Variants in SV2A observed in about 807,000 individuals in gnomAD.
The protein encoded by SV2A is synaptic vesicle glycoprotein 2A.
Under a neutral mutation model 78.0 loss-of-function variants are expected in SV2A, and 25 were observed. The observed-to-expected ratio is 0.32, with a 90% CI of 0.23 to 0.45. The LOEUF (loss-of-function observed/expected upper bound fraction) is 0.45. SV2A is among the 20% of genes least tolerant of loss of function. SV2A has a pLI of 1.00. For synonymous variants in SV2A, 355 were observed against 384.7 expected, an observed-to-expected ratio of 0.92 and a Z score of 0.90; for missense variants, 752 against 971.5, an observed-to-expected ratio of 0.77 and a Z score of 3.00.
chr1:149,909,643 C>A, intron 6 of SV2A, 72 bp from the exon 7 acceptor site: 1 of 1,497,988 alleles, frequency 6.7e-7, no homozygotes, highest in Admixed American at 1.7e-5. Context: ...CCTCAGTTTC[C>A]CCTGCATTAG....
intron 8 of SV2A, 89 bp from the exon 9 acceptor site, chr1:149,908,295 G>C (rs985868322): frequency 5.5e-6 from 8 of 1,461,902 alleles, no homozygotes; most frequent in Non-Finnish European, 7.5e-6. Context: ...ACGGAAATGT[G>C]TATCATCTCA....
chr1:149,909,786 AG>A lies in SV2A; in HGVS notation c.1179+14del. 6.2e-7 allele frequency: 1 copy of A among 1,613,028 alleles called. No individual in the cohort carries two copies. The highest frequency in any genetic ancestry group is 8.5e-7 in the Non-Finnish European group (1 of 1,179,832). Reference sequence around the variant, plus strand: ...GCAGGGCGTGGAGGTCTGAGTCGGGAGGGCTGTGGCTTACTGAGAACACTCG... The same window carrying A: ...GCAGGGCGTGGAGGTCTGAGTCGGGAGGCTGTGGCTTACTGAGAACACTCG... On this transcript the variant is annotated intron_variant, in intron 6 of 12. Transcript: ENST00000369146.
chr1:149,912,788 C>G (rs1045991416), intron 2 of SV2A, among the ~76,000 whole-genome samples: 6 of 151,326 alleles, frequency 4.0e-5, no homozygotes, highest in Admixed American at 1.3e-4. Flanking sequence ...GACCCTCCCC[C>G]CCTCCCCCAA....
At chr1:149,911,034 C>T (rs1029146270) in intron 3 of SV2A, 57 bp from the exon 4 acceptor site, 16 of 1,573,092 alleles carry the variant, frequency 1.0e-5, no homozygotes, top group Non-Finnish European at 1.3e-5. Flanking sequence ...TGATCCCCTG[C>T]CCCACTGCTC....
At chr1:149,915,156 T>C (rs984164742) in intron 1 of SV2A, among the ~76,000 whole-genome samples, 3 of 152,164 alleles carry the variant, frequency 2.0e-5, no homozygotes, top group African/African-American at 7.2e-5. Context: ...CTGGGGATAA[T>C]TAAATTGGGA....
At chr1:149,911,271 A>G (rs2092473641) in intron 3 of SV2A, among the ~76,000 whole-genome samples, 1 of 152,236 alleles carries the variant, frequency 6.6e-6, no homozygotes, top group Non-Finnish European at 1.5e-5. Flanking sequence ...ATAAATCTCC[A>G]GAGAAAAAAG....
intron 1 of SV2A, among the ~76,000 whole-genome samples, chr1:149,915,917 A>G (rs2092510582): frequency 1.3e-5 from 2 of 151,356 alleles, no homozygotes; most frequent in African/African-American, 4.9e-5. Context: ...ACACACGCAC[A>G]CACACACACA....
In SV2A at chr1:149,913,208, C is replaced by T. The variant is rs1553764015; in HGVS notation, c.622+11G>A. 2 of 1,611,436 alleles carry T rather than the reference C, an allele frequency of 1.2e-6. No individual in the cohort carries two copies. Among genetic ancestry groups the T allele is most frequent in the Non-Finnish European group, 8.5e-7 (1 of 1,178,930 alleles). Reference sequence around the variant, plus strand: ...TTTGAGGGGATAAGGCTGGAGCCCCCCATGTCTTACCTAGCATGCCTTTGT... The same window carrying T: ...TTTGAGGGGATAAGGCTGGAGCCCCTCATGTCTTACCTAGCATGCCTTTGT... On this transcript the variant is annotated intron_variant, in intron 2 of 12. Transcript: ENST00000369146.
At chr1:149,905,547 G>A (rs782052984) in intron 12 of SV2A, 1 of 291,948 alleles carries the variant, frequency 3.4e-6, no homozygotes, top group Non-Finnish European at 6.4e-6. Context: ...TCCACCTCCC[G>A]GGTTCAAGCA....
chr1:149,910,548 C>A lies in SV2A; in HGVS notation c.1089+22G>T. ...TCCACAGCCCGCACCCCACCCCACC[C>A]CATGCAGCTCAGCCCCATCACCTCT... is the stretch of plus-strand genomic sequence containing the variant. On this transcript the variant is annotated intron_variant, in intron 5 of 12. Transcript: ENST00000369146. The surrounding 1 kb of genome is among the most constrained non-coding windows in gnomAD (Gnocchi z 4.2). 6.3e-7 allele frequency: 1 copy of A among 1,587,492 alleles called. No homozygotes were observed. The highest frequency in any genetic ancestry group is 8.6e-7 in the Non-Finnish European group (1 of 1,167,916).
intron 8 of SV2A, 79 bp from the exon 9 acceptor site, chr1:149,908,285 A>G: frequency 2.0e-6 from 3 of 1,512,606 alleles, no homozygotes; most frequent in Admixed American, 3.8e-5. Flanking sequence ...AGAGGAGAAA[A>G]CGGAAATGTG....
chr1:149,913,130 G>A, intron 2 of SV2A, 89 bp downstream of exon 2: 1 of 1,522,076 alleles, frequency 6.6e-7, no homozygotes. Context: ...GGGTCCTAGG[G>A]AACCCAGTGG....
intron 1 of SV2A, among the ~76,000 whole-genome samples, chr1:149,917,209 C>T (rs1259599116): frequency 4.0e-5 from 6 of 151,616 alleles, no homozygotes; most frequent in Non-Finnish European, 5.9e-5. Flanking sequence ...CCTGGCGGCT[C>T]TACATCTCTG....
rs1310204725 is a variant in SV2A, at chr1:149,908,305, A to C, written c.1380-99T>G. 8.0e-6 allele frequency: 11 copies of C among 1,380,022 alleles called. No homozygotes were observed. The African/African-American group carries it at 1.0e-4, about 13-fold the overall frequency. 85.5% of individuals were successfully genotyped at this position (1,380,022 alleles called of 1,614,324 possible). Reference sequence around the variant, plus strand: ...AGAAAACGGAAATGTGTATCATCTCAGAACAAGGGAGAAATGGAGTCAACC... The same window carrying C: ...AGAAAACGGAAATGTGTATCATCTCCGAACAAGGGAGAAATGGAGTCAACC... On this transcript the variant is annotated intron_variant, in intron 8 of 12. Coordinates refer to ENST00000369146, the MANE Select transcript of SV2A (RefSeq NM_014849.5).
chr1:149,908,114 C>T lies in SV2A; in HGVS notation c.1472G>A (p.Arg491His), dbSNP rs199799449. The T allele has an allele frequency of 4.7e-5, 76 of 1,614,044 alleles. No individual in the cohort carries two copies. The highest frequency in any genetic ancestry group is 6.1e-5 in the Non-Finnish European group (72 of 1,180,044). The change falls in exon 9 of 13, where the codon CGC becomes CAC. Residue 491 changes from arginine to histidine, a missense_variant. By Grantham distance (29) the Arg-to-His change is conservative (BLOSUM62 0). Around this residue, in one of 7 missense-constraint regions of SV2A, gnomAD observed 81 missense variants for 74.2 expected, o/e 1.09. Coordinates refer to ENST00000369146, the MANE Select transcript of SV2A (RefSeq NM_014849.5). ...ASRTKVFPGE[R>H]VEHVTFNFTL... is the part of the protein sequence containing the mutation. ...GAAGTTAAAAGTTACATGCTCTACG[C>T]GCTCCCCGGGGAACACTTTGGTGCG...
In SV2A at chr1:149,910,552, GCAGCT is replaced by G; in HGVS notation, c.1089+13_1089+17del. On this transcript the variant is annotated intron_variant, in intron 5 of 12. Transcript: ENST00000369146. The surrounding 1 kb of genome is among the most constrained non-coding windows in gnomAD (Gnocchi z 4.2). ...CAGCCCGCACCCCACCCCACCCCAT[GCAGCT>G]CAGCCCCATCACCTCTAGGAAGAAA... 6.5e-7 allele frequency: 1 copy of G among 1,533,652 alleles called. No individual in the cohort carries two copies. The highest frequency in any genetic ancestry group is 8.9e-7 in the Non-Finnish European group (1 of 1,120,484).
At chr1:149,915,696 G>A (rs373789477) in intron 1 of SV2A, among the ~76,000 whole-genome samples, 31 of 152,188 alleles carry the variant, frequency 2.0e-4, no homozygotes, top group African/African-American at 7.2e-4. Context: ...CACAAACACC[G>A]CATTGCGTAG....
Position 149,910,774 on chromosome 1 carries a change from A to G in SV2A, c.955+52T>C. On this transcript the variant is annotated intron_variant, in intron 4 of 12. Coordinates refer to ENST00000369146, the MANE Select transcript of SV2A (RefSeq NM_014849.5). This position sits in a 1 kb window ranked among gnomAD's most constrained non-coding sequence, Gnocchi z 4.2. ...GGGGAACCCACCACAGGGAGCACAG[A>G]AGAAGAGGGAGGAGGGAGATAACCT... 1 of 1,611,994 alleles carries G rather than the reference A, an allele frequency of 6.2e-7. No homozygotes were observed.
At chr1:149,915,255 A>G (rs1478179490) in intron 1 of SV2A, among the ~76,000 whole-genome samples, 1 of 152,178 alleles carries the variant, frequency 6.6e-6, no homozygotes, top group Non-Finnish European at 1.5e-5. Flanking sequence ...TGAAAGTGGG[A>G]AAGAAACAGG....
Sources: allele counts gnomAD v4.1 joint callset (sites outside exome capture counted in the v4.1 genomes callset), GRCh38; gene constraint gnomAD v4.1.1; regional missense constraint gnomAD v4.1.1; non-coding constraint Gnocchi (gnomAD v3.1); transcripts MANE v1.5; gene names NCBI Gene and HGNC (gene_info 2026-07-23, HGNC 2026-07-21).